Variants in NR3C1 observed in about 807,000 individuals in gnomAD.
The protein encoded by NR3C1 is nuclear receptor subfamily 3 group C member 1, also known as glucocorticoid receptor.
NR3C1 carries 14 observed loss-of-function variants against 74.0 expected under a neutral mutation model. The observed-to-expected ratio is 0.19, with a 90% CI of 0.12 to 0.30. The LOEUF (loss-of-function observed/expected upper bound fraction) is 0.30. Among genes scored for constraint, NR3C1 ranks in the 10% least tolerant of loss-of-function variants. The pLI, the probability that NR3C1 is intolerant of heterozygous loss-of-function variation, is 1.00. For missense variants in NR3C1, 695 were observed against 909.8 expected, an observed-to-expected ratio of 0.76 and a Z score of 3.04; for synonymous variants, 308 against 332.5, an observed-to-expected ratio of 0.93 and a Z score of 0.80.
In NR3C1 at chr5:143,402,669, G is replaced by A. The variant is rs578165850; in HGVS notation, c.-14+542C>T. ...CGCCGGCCCCGGCCGCAGTCTCCAA[G>A]TTGCGGGCTGTCAGCCCCCCGCGTG... On this transcript the variant is annotated intron_variant, in intron 1 of 8. Transcript: ENST00000394464. The A allele has an allele frequency of 7.8e-5, 77 of 985,394 alleles. No homozygotes were observed. In the African/African-American group the frequency reaches 1.3e-3, roughly 17 times the overall value. 61.0% of individuals were successfully genotyped at this position (985,394 alleles called of 1,614,324 possible). A position where few individuals can be genotyped will look rare whatever the true frequency, so the allele number is the denominator to read the frequency against.
intron 2 of NR3C1, among the ~76,000 whole-genome samples, chr5:143,354,925 A>G (rs1364264580): frequency 1.3e-5 from 2 of 150,424 alleles, no homozygotes; most frequent in Non-Finnish European, 3.0e-5. Flanking sequence ...TCCGTCTCAA[A>G]AAAAAAAAAA....
chr5:143,305,977 C>T (rs1333690613), intron 4 of NR3C1, among the ~76,000 whole-genome samples: 1 of 151,950 alleles, frequency 6.6e-6, no homozygotes, highest in African/African-American at 2.4e-5. Flanking sequence ...TCTGACAATG[C>T]CACAAGACTA....
intron 1 of NR3C1, among the ~76,000 whole-genome samples, chr5:143,420,137 T>A (rs879221616): frequency 6.6e-6 from 1 of 152,214 alleles, no homozygotes; most frequent in Admixed American, 6.5e-5. Context: ...GTTATCCTGT[T>A]CTTTTTTCAA....
chr5:143,400,199 C>T lies in NR3C1; in HGVS notation c.641G>A (p.Arg214Lys), dbSNP rs1561784285. The T allele has an allele frequency of 4.3e-6, 7 of 1,610,302 alleles. No individual in the cohort carries two copies. The African/African-American group carries it at 9.4e-5, about 22-fold the overall frequency. The change falls in exon 2 of 9, where the codon AGA (arginine) becomes AAA (lysine). Residue 214 changes from arginine to lysine, a missense_variant. Arg to Lys is a conservative substitution (Grantham distance 26). Around this residue, in one of 4 missense-constraint regions of NR3C1, gnomAD observed 497 missense variants for 489.5 expected, o/e 1.02. Coordinates refer to ENST00000394464, the MANE Select transcript of NR3C1 (RefSeq NM_000176.3). ...GTTTTCATCTATCAACAGGTCTGAT[C>T]TCCAAGGACTCTCATTCGTCTCTTT... is the stretch of plus-strand genomic sequence containing the variant. ...PGKETNESPW[R>K]SDLLIDENCL...
intron 3 of NR3C1, among the ~76,000 whole-genome samples, chr5:143,311,865 A>C (rs1821055110): frequency 6.7e-6 from 1 of 149,084 alleles, no homozygotes; most frequent in South Asian, 2.1e-4. Context: ...TCCAGGCCTC[A>C]AGCAATCCTC....
chr5:143,411,557 T>A (rs547844194), intron 1 of NR3C1, among the ~76,000 whole-genome samples: 11 of 152,280 alleles, frequency 7.2e-5, no homozygotes, highest in Non-Finnish European at 2.9e-5. Context: ...TGTGGTCTGA[T>A]TTTGCCAAAC....
intron 2 of NR3C1, among the ~76,000 whole-genome samples, chr5:143,353,156 C>A (rs1830509786): frequency 6.6e-6 from 1 of 152,196 alleles, no homozygotes; most frequent in Non-Finnish European, 1.5e-5. Flanking sequence ...AACTCCTCAT[C>A]CATTCACGTT....
At chr5:143,406,463 G>A (rs1600659470), upstream of NR3C1, among the ~76,000 whole-genome samples, 1 of 149,396 alleles carries the variant, frequency 6.7e-6, no homozygotes. Context: ...AAATGTGCCT[G>A]TTAATTTTTT....
At chr5:143,294,230 G>A in intron 7 of NR3C1, 15 of 985,148 alleles carry the variant, frequency 1.5e-5, no homozygotes, top group Non-Finnish European at 1.8e-5. Flanking sequence ...TGGCAACTAT[G>A]AAACCACAGT....
At chr5:143,334,179 C>T (rs1401966423) in intron 2 of NR3C1, among the ~76,000 whole-genome samples, 1 of 151,954 alleles carries the variant, frequency 6.6e-6, no homozygotes, top group South Asian at 2.1e-4. Context: ...GTTGGGAGTT[C>T]GAGACCAGCC....
chr5:143,400,649 TCAAC>T lies in NR3C1; in HGVS notation c.187_190del (p.Val63IlefsTer7). On this transcript the variant is annotated frameshift_variant, in exon 2 of 9. Coordinates refer to ENST00000394464, the MANE Select transcript of NR3C1 (RefSeq NM_000176.3). LOFTEE classifies it high-confidence loss of function. ...ATTGCTTACTGAGCCTTTTGGAAAATCAACCAAAAGTCTTCGCTGCTTGGAGTCT... is the reference window on the plus strand; with the variant it reads ...ATTGCTTACTGAGCCTTTTGGAAAATCAAAAGTCTTCGCTGCTTGGAGTCT... The T allele has an allele frequency of 6.2e-7, 1 of 1,613,992 alleles. No individual in the cohort carries two copies. The highest frequency in any genetic ancestry group is 8.5e-7 in the Non-Finnish European group (1 of 1,179,866).
chr5:143,403,868 G>C, upstream of NR3C1: 3 of 976,190 alleles, frequency 3.1e-6, no homozygotes, highest in Non-Finnish European at 3.6e-6. Context: ...CCCCGGCCCC[G>C]ACGGCGCCTG....
intron 4 of NR3C1, among the ~76,000 whole-genome samples, chr5:143,308,361 C>T (rs1461643018): frequency 6.6e-6 from 1 of 152,020 alleles, no homozygotes. Flanking sequence ...ATCCGTAGCC[C>T]TACTGGGTGG....
intron 7 of NR3C1, chr5:143,294,363 T>A: frequency 1.1e-6 from 1 of 887,426 alleles, no homozygotes; most frequent in Non-Finnish European, 1.3e-6. Flanking sequence ...TGAAATGGCC[T>A]AAGGTTTATA....
At chr5:143,388,569 T>C (rs987471547) in intron 2 of NR3C1, among the ~76,000 whole-genome samples, 7 of 152,124 alleles carry the variant, frequency 4.6e-5, no homozygotes, top group South Asian at 4.1e-4. Flanking sequence ...AAGACACAAA[T>C]AGATGATGTC....
intron 2 of NR3C1, among the ~76,000 whole-genome samples, chr5:143,345,081 C>T (rs1286354132): frequency 6.6e-6 from 1 of 152,086 alleles, no homozygotes; most frequent in Non-Finnish European, 1.5e-5. Flanking sequence ...TGTGAGTGTG[C>T]ATTTGAGTGC....
At chr5:143,404,418 C>T (rs1011200590), upstream of NR3C1, 6 of 985,502 alleles carry the variant, frequency 6.1e-6, no homozygotes, top group Non-Finnish European at 7.2e-6. Flanking sequence ...TCCCCCACCA[C>T]CGCATCATCT....
intron 2 of NR3C1, among the ~76,000 whole-genome samples, chr5:143,363,668 G>C (rs1397039664): frequency 1.3e-5 from 2 of 152,032 alleles, no homozygotes; most frequent in African/African-American, 2.4e-5. Context: ...GTATAAAACA[G>C]TATCTCATTA....
At chr5:143,315,398 T>G (rs1400261718) in intron 2 of NR3C1, among the ~76,000 whole-genome samples, 4 of 152,148 alleles carry the variant, frequency 2.6e-5, no homozygotes, top group East Asian at 3.9e-4. Flanking sequence ...TAAGCAAATC[T>G]TCAAAAACAT....
Sources: allele counts gnomAD v4.1 joint callset (sites outside exome capture counted in the v4.1 genomes callset), GRCh38; gene constraint gnomAD v4.1.1; regional missense constraint gnomAD v4.1.1; transcripts MANE v1.5; gene names NCBI Gene and HGNC (gene_info 2026-07-23, HGNC 2026-07-21).